The following ADAMTSL1 variants were observed in gnomAD, a reference collection of about 807,000 sequenced individuals.
The protein encoded by ADAMTSL1 is ADAMTS-like protein 1.
Under a neutral mutation model 201.8 loss-of-function variants are expected in ADAMTSL1, and 126 were observed. The observed-to-expected ratio is 0.62, with a 90% confidence interval of 0.54 to 0.72. The LOEUF is 0.72. Ranked by LOEUF, ADAMTSL1 falls within the 30% of genes least tolerant of loss-of-function variation. The pLI is 0.00. For missense variants in ADAMTSL1, 2,679 were observed against 2,277.8 expected (o/e 1.18, Z -3.59); for synonymous variants, 1,121 against 903.4 (o/e 1.24, Z -4.32).
chr9:18,238,476 C>T (rs191246740), intron 2 of ADAMTSL1, among the ~76,000 whole-genome samples: 1 of 152,146 alleles, frequency 6.6e-6, no homozygotes, highest in Admixed American at 6.5e-5. Context: ...AACTGGGTGC[C>T]AGTCTGTGTA....
At chr9:18,698,909 G>A (rs755262811) in intron 13 of ADAMTSL1, among the ~76,000 whole-genome samples, 13 of 152,230 alleles carry the variant, frequency 8.5e-5, no homozygotes, top group Admixed American at 2.0e-4. Context: ...GGGACCCTCC[G>A]TTAGTAAGAC....
chr9:18,794,134 A>G (rs1822221725), intron 19 of ADAMTSL1, among the ~76,000 whole-genome samples: 1 of 152,146 alleles, frequency 6.6e-6, no homozygotes, highest in Non-Finnish European at 1.5e-5. Flanking sequence ...CTCTACAGAG[A>G]GTCCCCTGTA....
chr9:18,603,690 A>G (rs2132553762), intron 4 of ADAMTSL1, among the ~76,000 whole-genome samples: 1 of 152,202 alleles, frequency 6.6e-6, no homozygotes, highest in Non-Finnish European at 1.5e-5. Context: ...TCTGCCTCCT[A>G]TTCTTTTTTT....
chr9:18,758,045 C>A (rs986715642), intron 16 of ADAMTSL1, among the ~76,000 whole-genome samples: 2 of 152,142 alleles, frequency 1.3e-5, no homozygotes, highest in Non-Finnish European at 2.9e-5. Flanking sequence ...ATGTGAGGAA[C>A]CTGAAGTATT....
At chr9:18,015,688 T>G (rs995925283) in intron 1 of ADAMTSL1, among the ~76,000 whole-genome samples, 17 of 152,030 alleles carry the variant, frequency 1.1e-4, no homozygotes, top group Admixed American at 2.0e-4. Flanking sequence ...GAGCAGGATA[T>G]GGACTGAGGG....
chr9:18,185,644 A>G (rs966912748), intron 2 of ADAMTSL1, among the ~76,000 whole-genome samples: 2 of 152,172 alleles, frequency 1.3e-5, no homozygotes, highest in African/African-American at 4.8e-5. Flanking sequence ...GACAACTGAC[A>G]AGGAGACAAA....
intron 2 of ADAMTSL1, among the ~76,000 whole-genome samples, chr9:18,308,762 G>A (rs1587520948): frequency 6.6e-6 from 1 of 152,154 alleles, no homozygotes; most frequent in Admixed American, 6.5e-5. Context: ...GAGGTACAAA[G>A]AGGAGCTGGT....
At chr9:18,287,686 T>C in intron 2 of ADAMTSL1, among the ~76,000 whole-genome samples, 2 of 146,962 alleles carry the variant, frequency 1.4e-5, no homozygotes, top group African/African-American at 5.0e-5. Flanking sequence ...CATACATAAA[T>C]ATATTACATA....
chr9:18,805,673 T>TCCTGCC (rs1377914944), intron 20 of ADAMTSL1, among the ~76,000 whole-genome samples: 2 of 152,182 alleles, frequency 1.3e-5, no homozygotes, highest in Non-Finnish European at 2.9e-5. Flanking sequence ...CAGCCCTTTC[T>TCCTGCC]CCTGCCCCTG....
At chr9:17,912,199 C>T (rs1825917563) in intron 1 of ADAMTSL1, among the ~76,000 whole-genome samples, 1 of 63,346 alleles carries the variant, frequency 1.6e-5, no homozygotes, top group African/African-American at 3.1e-5. Context: ...TGATATATAC[C>T]CAGTAATGGG....
At chr9:18,711,670 A>C (rs1587955371) in intron 14 of ADAMTSL1, among the ~76,000 whole-genome samples, 1 of 152,050 alleles carries the variant, frequency 6.6e-6, no homozygotes, top group African/African-American at 2.4e-5. Flanking sequence ...AGGCTGGGGG[A>C]GGGGCGCCCG....
intron 1 of ADAMTSL1, among the ~76,000 whole-genome samples, chr9:17,923,437 CTGTT>C (rs1225275765): frequency 1.3e-5 from 2 of 148,590 alleles, no homozygotes; most frequent in East Asian, 2.0e-4. Context: ...ATTTGGCTCT[CTGTT>C]TGTCTGTTGT....
chr9:17,967,064 T>C (rs1818003706), intron 1 of ADAMTSL1, among the ~76,000 whole-genome samples: 1 of 152,116 alleles, frequency 6.6e-6, no homozygotes, highest in South Asian at 2.1e-4. Flanking sequence ...AGTTGTAATA[T>C]CCTTAAGTGA....
At chr9:18,827,451 C>T (rs184070752) in intron 22 of ADAMTSL1, among the ~76,000 whole-genome samples, 1 of 151,846 alleles carries the variant, frequency 6.6e-6, no homozygotes, top group Non-Finnish European at 1.5e-5. Context: ...TCAGAGAGGC[C>T]CAAACGGGTT....
At chr9:18,369,773 A>T (rs1332888137) in intron 2 of ADAMTSL1, among the ~76,000 whole-genome samples, 2 of 152,204 alleles carry the variant, frequency 1.3e-5, no homozygotes, top group Non-Finnish European at 2.9e-5. Context: ...GATGCCTGGA[A>T]GAAGACAATG....
chr9:18,449,127 A>G (rs1365834930), intron 2 of ADAMTSL1, among the ~76,000 whole-genome samples: 2 of 151,972 alleles, frequency 1.3e-5, no homozygotes, highest in African/African-American at 4.8e-5. Context: ...CACTGATTAT[A>G]TAAAAAGCAT....
chr9:18,359,194 T>C (rs1836390091), intron 2 of ADAMTSL1, among the ~76,000 whole-genome samples: 1 of 152,168 alleles, frequency 6.6e-6, no homozygotes. Context: ...TAAGCTCTGG[T>C]CCTGCACTTA....
At position 18,044,916 on chromosome 9, in the gene ADAMTSL1, A is replaced by G. The variant is rs928002781; in HGVS notation, c.88-118946A>G. ...TAGAGAGTTTTATTCTTTTTCAATT[A>G]CCAAATTATTAATTGGAAGGACTCT... On this transcript the variant is annotated intron_variant, in intron 1 of 29. Transcript: ENST00000680146. 2.0e-5 allele frequency among the ~76,000 whole-genome samples: 3 copies of G among 152,226 alleles called. No homozygotes were observed. The East Asian group carries it at 5.8e-4, about 29-fold the overall frequency.
chr9:18,152,570 C>T (rs1187942724), intron 1 of ADAMTSL1, among the ~76,000 whole-genome samples: 2 of 151,796 alleles, frequency 1.3e-5, no homozygotes, highest in Non-Finnish European at 2.9e-5. Context: ...CAGGAGGACC[C>T]CCCAAATGAG....
Sources: gnomAD v4.1 joint callset for allele counts (sites outside exome capture counted in the v4.1 genomes callset) on GRCh38, gnomAD v4.1.1 for gene constraint, MANE v1.5 for transcripts, NCBI Gene and HGNC (gene_info 2026-07-23, HGNC 2026-07-21) for gene names.